Variants in NRXN1 observed in about 807,000 individuals in gnomAD.
The protein encoded by NRXN1 is neurexin 1, also known as neurexin-1.
NRXN1 carries 39 observed loss-of-function variants against 150.9 expected under a neutral mutation model. The observed-to-expected ratio is 0.26, with a 90% CI of 0.20 to 0.34. The LOEUF (loss-of-function observed/expected upper bound fraction) is 0.34. Among genes scored for constraint, NRXN1 ranks in the 10% least tolerant of loss-of-function variants. NRXN1 has a pLI of 1.00. For synonymous variants in NRXN1, 924 were observed against 757.0 expected (o/e 1.22, Z -3.62); for missense variants, 1,815 against 1,949.9 (o/e 0.93, Z 1.30).
Position 50,762,777 on chromosome 2 carries a change from T to C in NRXN1, c.833-139162A>G, listed in dbSNP as rs1701958341. On this transcript the variant is annotated intron_variant, in intron 5 of 22. Coordinates refer to ENST00000401669, the MANE Select transcript of NRXN1 (RefSeq NM_001330078.2). ...CTAGGTTGCTTCCCTGTCTTTGCAATTGTGAATACTGCTGTGATAAACATG... is the reference window on the plus strand; with the variant it reads ...CTAGGTTGCTTCCCTGTCTTTGCAACTGTGAATACTGCTGTGATAAACATG... 2.6e-5 allele frequency among the ~76,000 whole-genome samples: 4 copies of C among 152,008 alleles called. No homozygotes were observed. In the South Asian group the frequency reaches 6.2e-4, roughly 24 times the overall value.
At chr2:50,766,026 A>G (rs1356099564) in intron 5 of NRXN1, among the ~76,000 whole-genome samples, 1 of 152,060 alleles carries the variant, frequency 6.6e-6, no homozygotes, top group Non-Finnish European at 1.5e-5. Context: ...TAATTAGACA[A>G]TTAGAGCTCA....
rs115308320 is a variant in NRXN1, at chr2:50,861,074, G to A, written c.832+60795C>T. Among the ~76,000 whole-genome samples, 779 of 152,108 alleles carry A rather than the reference G, an allele frequency of 5.1e-3. 8 individuals are homozygous for A. Among genetic ancestry groups the A allele is most frequent in the African/African-American group, 0.018 (754 of 41,508 alleles). ...ATTAGGTTAGGCTGAAAGGTTGGTT[G>A]GTCATTGTTTACAGTTGGTGGTAGA... On this transcript the variant is annotated intron_variant, in intron 5 of 22. Coordinates refer to ENST00000401669, the MANE Select transcript of NRXN1 (RefSeq NM_001330078.2).
intron 5 of NRXN1, among the ~76,000 whole-genome samples, chr2:50,894,972 T>C (rs1381952918): frequency 2.0e-5 from 3 of 152,206 alleles, no homozygotes; most frequent in Non-Finnish European, 4.4e-5. Flanking sequence ...TGTTATTCCA[T>C]ATCTCATGCT....
rs10671122 is a variant in NRXN1, at chr2:50,978,271, CATATATATATATATATAT to C, written c.772+49213_772+49230del. On this transcript the variant is annotated intron_variant, in intron 2 of 22. Transcript: ENST00000401669. ...CCATACTCTGAATATGGATATTATA[CATATATATATATATATAT>C]ATATATATATATATATAAAATATAT... is the stretch of plus-strand genomic sequence containing the variant. 5.2e-3 allele frequency among the ~76,000 whole-genome samples: 498 copies of C among 95,038 alleles called. 17 individuals are homozygous for C. The highest frequency in any genetic ancestry group is 9.4e-3 in the African/African-American group (264 of 28,008). 62.3% of individuals were successfully genotyped at this position (95,038 alleles called of 152,430 possible). A position where few individuals can be genotyped will look rare whatever the true frequency, so the allele number is the denominator to read the frequency against.
At chr2:50,092,125 C>T (rs142047104) in intron 18 of NRXN1, among the ~76,000 whole-genome samples, 65 of 152,208 alleles carry the variant, frequency 4.3e-4, no homozygotes, top group Non-Finnish European at 8.2e-4. Flanking sequence ...TAGAGACGTA[C>T]GAAAACTAAA....
Position 50,053,384 on chromosome 2 carries a change from T to C in NRXN1, c.4015A>G (p.Thr1339Ala), listed in dbSNP as rs77665267. Residue 1339 changes from threonine (T) to alanine (A), a missense_variant, in exon 21 of 23, where the codon ACA becomes GCA. Around this residue, in one of 6 missense-constraint regions of NRXN1, gnomAD observed 265 missense variants for 307.1 expected, o/e 0.86. Coordinates refer to ENST00000401669, the MANE Select transcript of NRXN1 (RefSeq NM_001330078.2). ...ATCTCTGATTGCATGGCAGTGGCTGTTGACTCAGTTGTCATAGAGGAAGGC... is the reference window on the plus strand; with the variant it reads ...ATCTCTGATTGCATGGCAGTGGCTGCTGACTCAGTTGTCATAGAGGAAGGC... ...EVPSSMTTES[T>A]ATAMQSEMST... 6.2e-7 allele frequency: 1 copy of C among 1,613,812 alleles called. No individual in the cohort carries two copies. Among genetic ancestry groups the C allele is most frequent in the Non-Finnish European group, 8.5e-7 (1 of 1,179,904 alleles).
intron 5 of NRXN1, among the ~76,000 whole-genome samples, chr2:50,687,901 T>C (rs1296553938): frequency 6.6e-6 from 1 of 152,126 alleles, no homozygotes; most frequent in East Asian, 1.9e-4. Flanking sequence ...ATGTGAGGCT[T>C]TAGGCAACTG....
chr2:50,763,872 T>C (rs558907632), intron 5 of NRXN1, among the ~76,000 whole-genome samples: 3 of 152,080 alleles, frequency 2.0e-5, no homozygotes, highest in East Asian at 2.0e-4. Flanking sequence ...TAGTGAATTA[T>C]GACAAATTTT....
chr2:50,034,829 C>T (rs1230470847), intron 21 of NRXN1, among the ~76,000 whole-genome samples: 1 of 151,998 alleles, frequency 6.6e-6, no homozygotes, highest in Non-Finnish European at 1.5e-5. Context: ...TCTATGTTGA[C>T]TTACCTGAAT....
chr2:50,523,952 A>G (rs1429409038), intron 12 of NRXN1, among the ~76,000 whole-genome samples: 3 of 152,000 alleles, frequency 2.0e-5, no homozygotes, highest in Admixed American at 6.6e-5. Flanking sequence ...CTGCTTAAAT[A>G]TTTTTTTTAA....
chr2:49,987,167 T>C (rs770004566), intron 21 of NRXN1, among the ~76,000 whole-genome samples: 1 of 152,192 alleles, frequency 6.6e-6, no homozygotes, highest in East Asian at 1.9e-4. Flanking sequence ...AACTTCTCCC[T>C]ATTCTTACTT....
At chr2:50,649,497 C>A (rs778987755) in intron 5 of NRXN1, among the ~76,000 whole-genome samples, 1 of 151,944 alleles carries the variant, frequency 6.6e-6, no homozygotes, top group Non-Finnish European at 1.5e-5. Flanking sequence ...TGAAGAGAAT[C>A]AAACTTACAT....
At chr2:50,659,569 A>C (rs1686995421) in intron 5 of NRXN1, among the ~76,000 whole-genome samples, 1 of 151,912 alleles carries the variant, frequency 6.6e-6, no homozygotes. Flanking sequence ...TATTTTAAAA[A>C]TATTATAAAT....
At chr2:49,998,412 G>C (rs1348184336) in intron 21 of NRXN1, among the ~76,000 whole-genome samples, 2 of 152,108 alleles carry the variant, frequency 1.3e-5, no homozygotes, top group Non-Finnish European at 2.9e-5. Context: ...TTCCCTTCAA[G>C]ATAGGGAGGA....
chr2:50,135,535 C>CA lies in NRXN1; in HGVS notation c.3547-44042dup, dbSNP rs527372501. On this transcript the variant is annotated intron_variant, in intron 18 of 22. Coordinates refer to ENST00000401669, the MANE Select transcript of NRXN1 (RefSeq NM_001330078.2). ...GTGAAACCCATCTCTACTAAAAATACAAAAAATTAGCCAGGCATGGTGGCG... is the reference window on the plus strand; with the variant it reads ...GTGAAACCCATCTCTACTAAAAATACAAAAAAATTAGCCAGGCATGGTGGCG... 2.4e-3 allele frequency among the ~76,000 whole-genome samples: 369 copies of CA among 151,996 alleles called. 1 individual carries two copies. Among genetic ancestry groups the CA allele is most frequent in the African/African-American group, 8.2e-3 (338 of 41,468 alleles).
intron 17 of NRXN1, among the ~76,000 whole-genome samples, chr2:50,317,659 AC>A (rs1433155358): frequency 1.3e-5 from 2 of 152,026 alleles, no homozygotes; most frequent in East Asian, 1.9e-4. Context: ...ACAGAAAAAA[AC>A]GTCTAAGATG....
chr2:49,965,028 C>A (rs1008946775), intron 21 of NRXN1, among the ~76,000 whole-genome samples: 1 of 151,844 alleles, frequency 6.6e-6, no homozygotes, highest in Non-Finnish European at 1.5e-5. Context: ...TGCAGGTGCA[C>A]ACCACCACAC....
chr2:49,926,682 G>C (rs550816093), intron 22 of NRXN1, among the ~76,000 whole-genome samples: 1 of 152,066 alleles, frequency 6.6e-6, no homozygotes, highest in South Asian at 2.1e-4. Flanking sequence ...ATTTTAATTT[G>C]TCTTTTGCTG....
At chr2:49,951,747 G>T (rs182188703) in intron 21 of NRXN1, among the ~76,000 whole-genome samples, 163 of 152,158 alleles carry the variant, frequency 1.1e-3, no homozygotes, top group African/African-American at 3.4e-3. Context: ...GAAATGAAAA[G>T]TAGGGTTCTA....
Sources: allele counts gnomAD v4.1 joint callset (sites outside exome capture counted in the v4.1 genomes callset), GRCh38; gene constraint gnomAD v4.1.1; regional missense constraint gnomAD v4.1.1; transcripts MANE v1.5; gene names NCBI Gene and HGNC (gene_info 2026-07-23, HGNC 2026-07-21).